DACH2: variants seen among roughly 807,000 people sequenced by gnomAD.
The protein encoded by DACH2 is dachshund homolog 2.
In DACH2, 17 loss-of-function variants were observed where a neutral mutation model predicts 35.8. The observed-to-expected ratio is 0.48, with a 90% CI of 0.33 to 0.71. DACH2 has a LOEUF of 0.71. Among genes scored for constraint, DACH2 ranks in the 30% least tolerant of loss-of-function variants. The pLI is 0.02. For synonymous variants in DACH2, 195 were observed against 177.3 expected (o/e 1.10, Z -0.79); for missense variants, 469 against 472.7 (o/e 0.99, Z 0.07).
At chrX:86,244,768 T>A (rs1156288286) in intron 1 of DACH2, among the ~76,000 whole-genome samples, 1 of 112,179 alleles carries the variant, frequency 8.9e-6, no homozygotes, top group Admixed American at 9.4e-5. Context: ...CATTAAAAAG[T>A]TTTTCAAATT....
intron 1 of DACH2, among the ~76,000 whole-genome samples, chrX:86,231,304 G>A (rs2032943451): frequency 8.9e-6 from 1 of 112,501 alleles, no homozygotes; most frequent in Non-Finnish European, 1.9e-5. Context: ...GTAGTGTGGA[G>A]AGGGACTGTC....
At chrX:86,748,528 C>A (rs1437147045) in intron 7 of DACH2, among the ~76,000 whole-genome samples, 2 of 111,675 alleles carry the variant, frequency 1.8e-5, no homozygotes, top group Non-Finnish European at 3.8e-5. Context: ...TGCAAGGAAT[C>A]TTTTCTTTTT....
At chrX:86,289,508 T>C (rs1271411812) in intron 1 of DACH2, among the ~76,000 whole-genome samples, 1 of 107,221 alleles carries the variant, frequency 9.3e-6, no homozygotes, top group Non-Finnish European at 1.9e-5. Context: ...GACAAGCTGG[T>C]GCGCTGCACC....
intron 2 of DACH2, among the ~76,000 whole-genome samples, chrX:86,483,019 G>C (rs1159803441): frequency 9.3e-6 from 1 of 107,301 alleles, no homozygotes; most frequent in African/African-American, 3.4e-5. Flanking sequence ...GGATAGCATT[G>C]GGAGATAAAC....
intron 3 of DACH2, among the ~76,000 whole-genome samples, chrX:86,533,722 G>A (rs2038757491): frequency 1.8e-5 from 2 of 111,828 alleles, no homozygotes; most frequent in South Asian, 7.4e-4. Flanking sequence ...GGAGTACCAA[G>A]TTCTTTCTAC....
At chrX:86,762,173 T>C (rs1162322683) in intron 7 of DACH2, among the ~76,000 whole-genome samples, 1 of 111,449 alleles carries the variant, frequency 9.0e-6, no homozygotes, top group Non-Finnish European at 1.9e-5. Flanking sequence ...TAAAAAAAGA[T>C]TCAAACAATC....
intron 5 of DACH2, among the ~76,000 whole-genome samples, 198 bp from the exon 6 acceptor site, chrX:86,714,350 A>C (rs752926239): frequency 8.9e-6 from 1 of 112,256 alleles, no homozygotes; most frequent in Non-Finnish European, 1.9e-5. Context: ...ATTTATAATT[A>C]AATGTGTGGA....
intron 4 of DACH2, among the ~76,000 whole-genome samples, chrX:86,682,852 CTG>C (rs1305729165): frequency 9.0e-6 from 1 of 111,518 alleles, no homozygotes; most frequent in Non-Finnish European, 1.9e-5. Flanking sequence ...CATTAAAAAA[CTG>C]TATTTCCTTA....
chrX:86,380,226 G>A (rs1602457853), intron 2 of DACH2, among the ~76,000 whole-genome samples: 2 of 109,950 alleles, frequency 1.8e-5, no homozygotes, highest in Admixed American at 9.7e-5. Flanking sequence ...AATTATAATC[G>A]TTGTCTTACA....
At position 86,359,970 on chromosome X, in the gene DACH2, C is replaced by T. The variant is rs954436069; in HGVS notation, c.489-16854C>T. Among the ~76,000 whole-genome samples, 11 of 109,374 alleles carry T rather than the reference C, an allele frequency of 1.0e-4. No individual in the cohort carries two copies. The Admixed American group carries it at 1.1e-3, about 11-fold the overall frequency. The allele number at this position is 109,374 out of a possible 115,157, so 95.0% of individuals were successfully genotyped here. ...AGATCACCGCTCGCTGCAGCCTTGA[C>T]CTCCTGGGCTCTAGCTATCCCTCAC... On this transcript the variant is annotated intron_variant, in intron 1 of 11. Coordinates refer to ENST00000373125, the MANE Select transcript of DACH2 (RefSeq NM_053281.3).
At chrX:86,428,399 TG>T (rs1357950381) in intron 2 of DACH2, among the ~76,000 whole-genome samples, 3 of 112,002 alleles carry the variant, frequency 2.7e-5, no homozygotes, top group African/African-American at 9.7e-5. Flanking sequence ...CATAAGTTAC[TG>T]AATACAGGTG....
At chrX:86,563,604 A>C (rs772049436) in intron 3 of DACH2, among the ~76,000 whole-genome samples, 116 of 111,316 alleles carry the variant, frequency 1.0e-3, no homozygotes, top group African/African-American at 3.7e-3. Context: ...ACATTATGTA[A>C]TTAAGAAATA....
intron 1 of DACH2, among the ~76,000 whole-genome samples, chrX:86,301,249 T>C (rs1400957644): frequency 8.9e-6 from 1 of 112,011 alleles, no homozygotes; most frequent in Non-Finnish European, 1.9e-5. Context: ...AATTTATTAG[T>C]CAAAGTTTTC....
At chrX:86,457,545 T>G (rs2037497141) in intron 2 of DACH2, among the ~76,000 whole-genome samples, 1 of 112,501 alleles carries the variant, frequency 8.9e-6, no homozygotes, top group African/African-American at 3.2e-5. Context: ...TCACAAAATA[T>G]TTATTGAAAA....
At chrX:86,643,717 A>T (rs5923579) in intron 3 of DACH2, among the ~76,000 whole-genome samples, 1,844 of 110,650 alleles carry the variant, frequency 0.017, 22 homozygotes, top group Middle Eastern at 0.033. Context: ...AACCTCCACA[A>T]AAATATTTGC....
intron 3 of DACH2, among the ~76,000 whole-genome samples, chrX:86,548,068 C>G (rs1016708939): frequency 8.9e-6 from 1 of 112,478 alleles, no homozygotes; most frequent in Admixed American, 9.4e-5. Flanking sequence ...AGAACTGCCA[C>G]TTCCTATAAG....
intron 6 of DACH2, among the ~76,000 whole-genome samples, chrX:86,724,075 A>G (rs190955960): frequency 1.5e-4 from 17 of 111,371 alleles, no homozygotes; most frequent in African/African-American, 5.2e-4. Flanking sequence ...TCACCCATCT[A>G]TGTCTTAAGT....
intron 3 of DACH2, among the ~76,000 whole-genome samples, chrX:86,563,888 A>G (rs1456599115): frequency 9.0e-6 from 1 of 111,376 alleles, no homozygotes; most frequent in Non-Finnish European, 1.9e-5. Flanking sequence ...AGCTATAAAA[A>G]TCACAATATT....
intron 1 of DACH2, among the ~76,000 whole-genome samples, chrX:86,254,807 T>TAGAGAGAGAGAGAGAGAG (rs755869488): frequency 1.4e-4 from 7 of 49,652 alleles, no homozygotes; most frequent in Admixed American, 7.4e-4. Flanking sequence ...TATATATATA[T>TAGAGAGAGAGAGAGAGAG]AGAGAGAGAG....
Sources: gnomAD v4.1 joint callset for allele counts (sites outside exome capture counted in the v4.1 genomes callset) on GRCh38, gnomAD v4.1.1 for gene constraint, MANE v1.5 for transcripts, NCBI Gene and HGNC (gene_info 2026-07-23, HGNC 2026-07-21) for gene names.